CDH4: variants seen among roughly 807,000 people sequenced by gnomAD.
CDH4 encodes cadherin-4.
A neutral mutation model predicts 86.0 loss-of-function variants in CDH4; 33 were observed. The ratio of observed to expected loss-of-function variants is 0.38; its 90% CI spans 0.29 to 0.51. The LOEUF (loss-of-function observed/expected upper bound fraction) is 0.51, where lower values mean the gene tolerates loss of function less well. Ranked by LOEUF, CDH4 falls within the 20% of genes least tolerant of loss-of-function variation. CDH4 has a pLI of 0.86. For missense variants in CDH4, 1,114 were observed against 1,307.4 expected (o/e 0.85, Z 2.28); for synonymous variants, 555 against 549.4 (o/e 1.01, Z -0.14).
chr20:61,575,472 A>G (rs2145711704), intron 2 of CDH4, among the ~76,000 whole-genome samples: 1 of 152,370 alleles, frequency 6.6e-6, no homozygotes, highest in South Asian at 2.1e-4. Context: ...TGGTAGAAAG[A>G]CACAGACCTG....
chr20:61,425,697 T>C (rs1455369229), intron 2 of CDH4, among the ~76,000 whole-genome samples: 1 of 152,078 alleles, frequency 6.6e-6, no homozygotes, highest in Non-Finnish European at 1.5e-5. Context: ...CAGGGCAGGA[T>C]GGCCAATTGC....
At chr20:61,789,742 G>A (rs537758541) in intron 4 of CDH4, among the ~76,000 whole-genome samples, 16 of 152,366 alleles carry the variant, frequency 1.1e-4, no homozygotes, top group South Asian at 6.2e-4. Flanking sequence ...CAAGCACAGC[G>A]TTTCCCACTC....
At chr20:61,850,984 A>G (rs570788311) in intron 5 of CDH4, among the ~76,000 whole-genome samples, 1 of 152,328 alleles carries the variant, frequency 6.6e-6, no homozygotes, top group African/African-American at 2.4e-5. Flanking sequence ...AGGAGATAAT[A>G]ACTTTAATTT....
At chr20:61,660,090 G>A (rs536680094) in intron 2 of CDH4, among the ~76,000 whole-genome samples, 154 of 152,314 alleles carry the variant, frequency 1.0e-3, no homozygotes, top group African/African-American at 3.4e-3. Context: ...CTTCCACCCC[G>A]GAGCTAAGGA....
At chr20:61,300,316 G>T (rs959019864) in intron 2 of CDH4, among the ~76,000 whole-genome samples, 2 of 152,180 alleles carry the variant, frequency 1.3e-5, no homozygotes, top group African/African-American at 4.8e-5. Context: ...GCCACATGAG[G>T]GGCAGCATGT....
chr20:61,696,539 G>T (rs2087716914), intron 2 of CDH4, among the ~76,000 whole-genome samples: 1 of 152,200 alleles, frequency 6.6e-6, no homozygotes, highest in Non-Finnish European at 1.5e-5. Flanking sequence ...TCCACAACAT[G>T]GTCCTTAAGA....
At chr20:61,712,148 G>A (rs893738938) in intron 2 of CDH4, among the ~76,000 whole-genome samples, 9 of 152,310 alleles carry the variant, frequency 5.9e-5, no homozygotes, top group Non-Finnish European at 8.8e-5. Context: ...AGCCAGGAGA[G>A]GCTGGTGAGG....
At chr20:61,883,743 C>T (rs1984403426) in intron 7 of CDH4, among the ~76,000 whole-genome samples, 1 of 152,130 alleles carries the variant, frequency 6.6e-6, no homozygotes, top group African/African-American at 2.4e-5. Context: ...GAGGAGCCCC[C>T]AGCGCCTGCT....
intron 6 of CDH4, among the ~76,000 whole-genome samples, chr20:61,856,673 AC>A (rs1189311775): frequency 2.0e-5 from 3 of 151,590 alleles, no homozygotes; most frequent in Admixed American, 2.0e-4. Context: ...TGTGCACCCC[AC>A]ACTCTTATCC....
chr20:61,479,523 T>C (rs1197994129), intron 2 of CDH4, among the ~76,000 whole-genome samples: 2 of 152,218 alleles, frequency 1.3e-5, no homozygotes, highest in East Asian at 1.9e-4. Flanking sequence ...TGTGGCACTA[T>C]TCACAATAGC....
intron 4 of CDH4, among the ~76,000 whole-genome samples, chr20:61,837,529 C>T (rs1014311684): frequency 5.3e-5 from 8 of 152,270 alleles, no homozygotes; most frequent in East Asian, 3.9e-4. Flanking sequence ...GTGGGGCTGA[C>T]GCTCTGAGAT....
chr20:61,253,327 CG>C (rs1320407978), intron 1 of CDH4, among the ~76,000 whole-genome samples: 1 of 151,628 alleles, frequency 6.6e-6, no homozygotes, highest in African/African-American at 2.4e-5. Flanking sequence ...CAGAGCCCCG[CG>C]GGCCGGATTG....
chr20:61,555,673 G>A (rs1009895482), intron 2 of CDH4, among the ~76,000 whole-genome samples: 6 of 152,204 alleles, frequency 3.9e-5, no homozygotes, highest in South Asian at 2.1e-4. Flanking sequence ...CATAAATAGC[G>A]ATTCCATTTG....
intron 2 of CDH4, among the ~76,000 whole-genome samples, chr20:61,660,449 C>G (rs1299472752): frequency 6.6e-6 from 1 of 152,172 alleles, no homozygotes; most frequent in Non-Finnish European, 1.5e-5. Flanking sequence ...CAGGTGACGC[C>G]GGGACTCGCT....
chr20:61,589,223 C>T (rs116492139), intron 2 of CDH4, among the ~76,000 whole-genome samples: 2,939 of 152,268 alleles, frequency 0.019, 76 homozygotes, highest in African/African-American at 0.058. Flanking sequence ...GTGATGAATG[C>T]TTGTGTGGTG....
chr20:61,282,768 C>A (rs1209568596), intron 2 of CDH4, among the ~76,000 whole-genome samples: 1 of 152,216 alleles, frequency 6.6e-6, no homozygotes, highest in Non-Finnish European at 1.5e-5. Context: ...TGTGTATGCA[C>A]ACGGATAAGC....
At chr20:61,559,333 A>G (rs1168944263) in intron 2 of CDH4, among the ~76,000 whole-genome samples, 2 of 152,000 alleles carry the variant, frequency 1.3e-5, no homozygotes, top group East Asian at 1.9e-4. Context: ...GAAGAAAAAA[A>G]TTTTTAAAAA....
chr20:61,842,285 G>A (rs73307840), intron 4 of CDH4, among the ~76,000 whole-genome samples: 3,056 of 152,278 alleles, frequency 0.02, 94 homozygotes, highest in African/African-American at 0.066. Flanking sequence ...ATCTCTGCTG[G>A]GTGTCACACC....
chr20:61,274,220 C>T (rs1428884557), intron 2 of CDH4, among the ~76,000 whole-genome samples: 3 of 121,712 alleles, frequency 2.5e-5, no homozygotes, highest in Non-Finnish European at 4.9e-5. Context: ...GGGGGAGCAC[C>T]ATGCACAGTT....
Sources: gnomAD v4.1 joint callset for allele counts (sites outside exome capture counted in the v4.1 genomes callset) on GRCh38, gnomAD v4.1.1 for gene constraint, MANE v1.5 for transcripts, NCBI Gene and HGNC (gene_info 2026-07-23, HGNC 2026-07-21) for gene names.